ZNF268: variants seen among roughly 807,000 people sequenced by gnomAD.
ZNF268 encodes the protein zinc finger protein 3.
Under a neutral mutation model 29.3 loss-of-function variants are expected in ZNF268, and 20 were observed. The observed-to-expected ratio is 0.68, with a 90% confidence interval of 0.48 to 0.99. ZNF268 has a LOEUF of 0.99. Among genes scored for constraint, ZNF268 ranks in the 50% least tolerant of loss-of-function variants. ZNF268 has a pLI of 0.00. For missense variants in ZNF268, 1,240 were observed against 1,121.6 expected (o/e 1.11, Z -1.51); for synonymous variants, 429 against 376.9 (o/e 1.14, Z -1.60).
intron 5 of ZNF268, among the ~76,000 whole-genome samples, chr12:133,201,081 A>C (rs1257420754): frequency 2.0e-5 from 3 of 151,914 alleles, no homozygotes; most frequent in Non-Finnish European, 4.4e-5. Flanking sequence ...GTATACAGTG[A>C]TTTATTTTTG....
At position 133,207,155 on chromosome 12, in the gene ZNF268, G is replaced by A. The variant is rs1395928279; in HGVS notation, c.*2625G>A. 2 of 152,044 alleles carry A rather than the reference G, an allele frequency of 1.3e-5. No individual in the cohort carries two copies. The highest frequency in any genetic ancestry group is 6.5e-5 in the Admixed American group (1 of 15,268). 9.4% of individuals were successfully genotyped at this position (152,044 alleles called of 1,614,324 possible). On this transcript the variant is annotated 3_prime_UTR_variant, in exon 6 of 6. Coordinates refer to ENST00000536435, the MANE Select transcript of ZNF268 (RefSeq NM_003415.3). ...AAATCTATCTAGTCCTTCTACCCCAGCCCCAGAAAAGAAAGACATTCCAGA... is the reference window on the plus strand; with the variant it reads ...AAATCTATCTAGTCCTTCTACCCCAACCCCAGAAAAGAAAGACATTCCAGA...
intron 2 of ZNF268, among the ~76,000 whole-genome samples, chr12:133,183,510 A>AG (rs1315631799): frequency 6.6e-6 from 1 of 152,022 alleles, no homozygotes; most frequent in East Asian, 1.9e-4. Context: ...AAAAAAAAAA[A>AG]AAGGAGAGGA....
In ZNF268 at chr12:133,210,752, T is replaced by C. The variant is rs1344383988; in HGVS notation, c.*6222T>C. 2.2e-6 allele frequency: 1 copy of C among 446,534 alleles called. No homozygotes were observed. The highest frequency in any genetic ancestry group is 7.0e-5 in the East Asian group (1 of 14,186). The allele number at this position is 446,534 out of a possible 1,614,324, so 27.7% of individuals were successfully genotyped here. ...GAGGAGAAGGCAGCTCAGTCTTTAC[T>C]GTGATGCAGCCTCTAGTGATCCCCA... On this transcript the variant is annotated 3_prime_UTR_variant, in exon 6 of 6. Transcript: ENST00000536435.
Position 133,203,719 on chromosome 12 carries a change from GT to G in ZNF268, c.2036del (p.Leu679Ter), listed in dbSNP as rs1408562987. ...TGCAGTCAATGTGCAAAAACCTTTA[GT>G]TTGAAGTCCCAGCTCATTGTACATC... ...YGCSQCAKTFSLKSQLIVHQR... is the reference protein window; with the variant it reads ...YGCSQCAKTFXLKSQLIVHQR... On this transcript the variant is annotated frameshift_variant, in exon 6 of 6. Coordinates refer to ENST00000536435, the MANE Select transcript of ZNF268 (RefSeq NM_003415.3). LOFTEE classifies it low-confidence loss of function (END_TRUNC). 1.9e-6 allele frequency: 3 copies of G among 1,547,944 alleles called. No individual in the cohort carries two copies. In the African/African-American group the frequency reaches 4.1e-5, roughly 21 times the overall value.
chr12:133,198,374 G>C (rs1956666246), intron 5 of ZNF268, among the ~76,000 whole-genome samples: 1 of 150,376 alleles, frequency 6.6e-6, no homozygotes, highest in Non-Finnish European at 1.5e-5. Context: ...TGAGGGCTCT[G>C]TTCTGTTCCA....
At chr12:133,201,128 G>T (rs1159791400) in intron 5 of ZNF268, among the ~76,000 whole-genome samples, 1 of 151,850 alleles carries the variant, frequency 6.6e-6, no homozygotes, top group Non-Finnish European at 1.5e-5. Flanking sequence ...TTAATTTTTT[G>T]CTAATTTAAT....
At position 133,204,364 on chromosome 12, in the gene ZNF268, G is replaced by T; in HGVS notation, c.2678G>T (p.Gly893Val). ...ACTCATTCAGGAGAGAAACCCTATG[G>T]GTGCAATGAATGTGGGAAAACCTTC... ...QRTHSGEKPY[G>V]CNECGKTFSQ... is the part of the protein sequence containing the mutation. Residue 893 changes from glycine to valine, a missense_variant, in exon 6 of 6, where the codon GGG (glycine) becomes GTG (valine). By Grantham distance (109) the Gly-to-Val change is moderately radical. Coordinates refer to ENST00000536435, the MANE Select transcript of ZNF268 (RefSeq NM_003415.3). 6.4e-7 allele frequency: 1 copy of T among 1,570,690 alleles called. No individual in the cohort carries two copies. Among genetic ancestry groups the T allele is most frequent in the Non-Finnish European group, 8.6e-7 (1 of 1,162,218 alleles).
At chr12:133,192,265 G>T (rs568241851) in intron 5 of ZNF268, among the ~76,000 whole-genome samples, 3 of 151,884 alleles carry the variant, frequency 2.0e-5, no homozygotes, top group Non-Finnish European at 4.4e-5. Flanking sequence ...GCGCCACCAT[G>T]CCCGGCCAAT....
In ZNF268 at chr12:133,187,845, A is replaced by G. The variant is rs544113117; in HGVS notation, c.34-27A>G. The G allele has an allele frequency of 2.6e-5, 40 of 1,560,216 alleles. No individual in the cohort carries two copies. The African/African-American group carries it at 4.9e-4, about 19-fold the overall frequency. ...TTCCCCAAAGGAAATAATGCTCGCTAAAGTAAATTTGCTCTTGAGTCCACA... is the reference window on the plus strand; with the variant it reads ...TTCCCCAAAGGAAATAATGCTCGCTGAAGTAAATTTGCTCTTGAGTCCACA... On this transcript the variant is annotated intron_variant, in intron 2 of 5. Coordinates refer to ENST00000536435, the MANE Select transcript of ZNF268 (RefSeq NM_003415.3).
chr12:133,192,785 A>G (rs1227133502), intron 5 of ZNF268, among the ~76,000 whole-genome samples: 3 of 151,500 alleles, frequency 2.0e-5, no homozygotes, highest in African/African-American at 2.4e-5. Context: ...TCAGCCTTCC[A>G]AGTAGCTGGG....
At position 133,203,076 on chromosome 12, in the gene ZNF268, G is replaced by C; in HGVS notation, c.1390G>C (p.Gly464Arg). 6.5e-7 allele frequency: 1 copy of C among 1,537,644 alleles called. No homozygotes were observed. Among genetic ancestry groups the C allele is most frequent in the Non-Finnish European group, 8.7e-7 (1 of 1,146,924 alleles). Reference protein sequence around the residue: ...TFKSQLIVHQGIHTGVKPYGC... With the variant: ...TFKSQLIVHQRIHTGVKPYGC... ...CAAGTCACAGCTCATTGTACATCAG[G>C]GGATTCACACAGGAGTAAAGCCCTA... is the stretch of plus-strand genomic sequence containing the variant. Residue 464 changes from glycine (G) to arginine (R), a missense_variant, in exon 6 of 6, where the codon GGG (glycine) becomes CGG (arginine). Coordinates refer to ENST00000536435, the MANE Select transcript of ZNF268 (RefSeq NM_003415.3).
chr12:133,193,353 A>T (rs1376375058), intron 5 of ZNF268: 1 of 539,600 alleles, frequency 1.9e-6, no homozygotes, highest in African/African-American at 1.9e-5. Flanking sequence ...CTTCTGTCTC[A>T]GTCTATTTGT....
Position 133,191,573 on chromosome 12 carries a change from A to G in ZNF268, c.319A>G (p.Arg107Gly). Residue 107 changes from arginine (R) to glycine (G), a missense_variant, in exon 4 of 6, where the codon AGG (arginine) becomes GGG (glycine). This residue lies in a region of ZNF268 where 1,177 missense variants were observed against 1,039.6 expected (regional missense o/e 1.13). Transcript: ENST00000536435. ...AGACCCAGCACAGAAGTGCCTGTAC[A>G]GGAGTGTGATGTTGGAGAACTATAG... The part of the protein sequence containing the change: ...LLDPAQKCLY[R>G]SVMLENYSNL... 1 of 1,614,104 alleles carries G rather than the reference A, an allele frequency of 6.2e-7. No individual in the cohort carries two copies.
In ZNF268 at chr12:133,205,187, A is replaced by G. The variant is rs998336922; in HGVS notation, c.*657A>G. The G allele has an allele frequency of 6.8e-6, 1 of 146,098 alleles. No individual in the cohort carries two copies. The highest frequency in any genetic ancestry group is 1.5e-5 in the Non-Finnish European group (1 of 66,620). The allele number at this position is 146,098 out of a possible 1,614,324, so 9.1% of individuals were successfully genotyped here. On this transcript the variant is annotated 3_prime_UTR_variant, in exon 6 of 6. Transcript: ENST00000536435. ...AAAAAAAAAAAACCAACCTGTTATT[A>G]TATCTTAATATTAATTTTGAAGAAT...
At chr12:133,199,135 T>C (rs1041221749) in intron 5 of ZNF268, among the ~76,000 whole-genome samples, 28 of 152,138 alleles carry the variant, frequency 1.8e-4, no homozygotes, top group African/African-American at 6.3e-4. Context: ...GGAATGCTTC[T>C]AGTTTTTGCC....
chr12:133,199,405 A>C (rs1196907383), intron 5 of ZNF268, among the ~76,000 whole-genome samples: 1 of 150,964 alleles, frequency 6.6e-6, no homozygotes, highest in Non-Finnish European at 1.5e-5. Context: ...CATGGTGGAT[A>C]AGCTTTTTGA....
chr12:133,189,688 G>A (rs145758295), intron 3 of ZNF268, among the ~76,000 whole-genome samples: 108 of 152,114 alleles, frequency 7.1e-4, no homozygotes, highest in African/African-American at 2.2e-3. Flanking sequence ...TCATCTTTTC[G>A]TTGGCATCCT....
At chr12:133,200,919 C>T (rs1956738254) in intron 5 of ZNF268, among the ~76,000 whole-genome samples, 1 of 152,092 alleles carries the variant, frequency 6.6e-6, no homozygotes, top group South Asian at 2.1e-4. Flanking sequence ...CATACCTTCC[C>T]ACCATATACA....
chr12:133,194,751 G>T (rs1387493105), intron 5 of ZNF268, among the ~76,000 whole-genome samples: 1 of 152,150 alleles, frequency 6.6e-6, no homozygotes, highest in East Asian at 1.9e-4. Flanking sequence ...CCTAGATGGG[G>T]GTGGAAAAAA....
Sources: gnomAD v4.1 joint callset for allele counts (sites outside exome capture counted in the v4.1 genomes callset) on GRCh38, gnomAD v4.1.1 for gene constraint, gnomAD v4.1.1 regional missense constraint, MANE v1.5 for transcripts, NCBI Gene and HGNC (gene_info 2026-07-23, HGNC 2026-07-21) for gene names.